Variants in PLCG2 observed in about 807,000 individuals in gnomAD.
The protein encoded by PLCG2 is phospholipase C gamma 2.
A neutral mutation model predicts 175.6 loss-of-function variants in PLCG2; 69 were observed. That is an observed-to-expected ratio of 0.39 (90% confidence interval 0.32 to 0.48). PLCG2 has a LOEUF of 0.48. Ranked by LOEUF, PLCG2 falls within the 20% of genes least tolerant of loss-of-function variation. The probability of loss-of-function intolerance (pLI) is 0.91; values close to 1 mark genes in which losing one functional copy is unlikely to be tolerated. For synonymous variants in PLCG2, 827 were observed against 624.0 expected (o/e 1.33, Z -4.85); for missense variants, 1,798 against 1,650.9 (o/e 1.09, Z -1.54).
intron 19 of PLCG2, among the ~76,000 whole-genome samples, chr16:81,913,908 A>G (rs558245410): frequency 4.6e-5 from 7 of 152,112 alleles, no homozygotes; most frequent in East Asian, 1.9e-4. Context: ...CATTATCACT[A>G]TAGTTTACTG....
chr16:81,893,833 A>G, intron 12 of PLCG2, 39 bp downstream of exon 12: 1 of 1,298,828 alleles, frequency 7.7e-7, no homozygotes, highest in Non-Finnish European at 1.1e-6. Context: ...GGCTCGCAGC[A>G]AATTGAGGAT....
upstream of PLCG2, among the ~76,000 whole-genome samples, chr16:81,776,762 C>T (rs1329298089): frequency 6.6e-6 from 1 of 152,054 alleles, no homozygotes; most frequent in Non-Finnish European, 1.5e-5. Flanking sequence ...ACCATGTTGG[C>T]CAGGATAGTC....
chr16:81,803,663 C>CCCTTCCTT (rs1186528094), intron 2 of PLCG2, among the ~76,000 whole-genome samples: 1 of 29,748 alleles, frequency 3.4e-5, no homozygotes, highest in South Asian at 1.4e-3. Flanking sequence ...CTCCCTCCCT[C>CCCTTCCTT]CCTTCCTTCC....
chr16:81,842,036 A>T (rs555691486), intron 2 of PLCG2, among the ~76,000 whole-genome samples: 9 of 152,176 alleles, frequency 5.9e-5, no homozygotes, highest in Admixed American at 1.3e-4. Context: ...ATGTTATTTC[A>T]TTTGGTTTGC....
chr16:81,902,957 C>T (rs1164801106), intron 14 of PLCG2, among the ~76,000 whole-genome samples: 1 of 152,086 alleles, frequency 6.6e-6, no homozygotes, highest in Non-Finnish European at 1.5e-5. Context: ...CGTGAAAGGC[C>T]CGCCCCCATG....
intron 14 of PLCG2, among the ~76,000 whole-genome samples, chr16:81,902,831 G>A (rs192861919): frequency 1.8e-3 from 274 of 152,308 alleles, no homozygotes; most frequent in Middle Eastern, 0.017. Context: ...ATGTCAGAAG[G>A]CAAAGGAGGA....
At chr16:81,869,609 C>G (rs1477914245) in intron 6 of PLCG2, among the ~76,000 whole-genome samples, 2 of 152,138 alleles carry the variant, frequency 1.3e-5, no homozygotes, top group Admixed American at 6.5e-5. Context: ...CATTTTTTCC[C>G]TAGTGAAATG....
chr16:81,804,241 A>G (rs11640578), intron 2 of PLCG2, among the ~76,000 whole-genome samples: 5,255 of 152,304 alleles, frequency 0.035, 130 homozygotes, highest in Middle Eastern at 0.058. Context: ...GGTTATCACC[A>G]TCCTAGTGGA....
At chr16:81,848,376 G>A (rs1185333698) in intron 2 of PLCG2, among the ~76,000 whole-genome samples, 1 of 152,204 alleles carries the variant, frequency 6.6e-6, no homozygotes, top group Non-Finnish European at 1.5e-5. Flanking sequence ...TCCAAAGGGT[G>A]CTTGTTTGGG....
chr16:81,906,486 A>G (rs796370993), intron 15 of PLCG2: 3 of 152,266 alleles, frequency 2.0e-5, no homozygotes, highest in African/African-American at 7.2e-5. Flanking sequence ...GTGTGGTGGT[A>G]CGATCTTAGC....
chr16:81,822,286 G>C (rs930171851), intron 2 of PLCG2, among the ~76,000 whole-genome samples: 1 of 152,150 alleles, frequency 6.6e-6, no homozygotes, highest in Non-Finnish European at 1.5e-5. Context: ...GTCGGCATAG[G>C]TGGTAAGCAT....
At position 81,905,427 on chromosome 16, in the gene PLCG2, G is replaced by A. The variant is rs752906992; in HGVS notation, c.1387G>A (p.Asp463Asn). The change falls in exon 15 of 33, where the codon GAT becomes AAT. Residue 463 changes from aspartate to asparagine, a missense_variant. By Grantham distance (23) the Asp-to-Asn change is conservative. Transcript: ENST00000564138. ...IKHKKLGPRGDVDVNMEDKKD... is the reference protein window; with the variant it reads ...IKHKKLGPRGNVDVNMEDKKD... ...GCATAAGAAGCTGGGCCCCCGAGGCGATGTGGATGTCAACATGGAGGACAA... is the reference window on the plus strand; with the variant it reads ...GCATAAGAAGCTGGGCCCCCGAGGCAATGTGGATGTCAACATGGAGGACAA... 35 of 1,614,088 alleles carry A rather than the reference G, an allele frequency of 2.2e-5. No homozygotes were observed. Among genetic ancestry groups the A allele is most frequent in the South Asian group, 1.6e-4 (15 of 91,084 alleles).
At chr16:81,753,546 G>A (rs1909858003) in intron 1 of PLCG2, among the ~76,000 whole-genome samples, 1 of 151,814 alleles carries the variant, frequency 6.6e-6, no homozygotes, top group South Asian at 2.1e-4. Context: ...AGCCTCATTA[G>A]TAGCTGGGAT....
At chr16:81,765,214 G>A (rs1910122093) in intron 2 of PLCG2, among the ~76,000 whole-genome samples, 1 of 152,268 alleles carries the variant, frequency 6.6e-6, no homozygotes, top group South Asian at 2.1e-4. Flanking sequence ...AGAGCACCAT[G>A]TGACAACTGA....
intron 9 of PLCG2, among the ~76,000 whole-genome samples, chr16:81,887,118 GTT>G (rs59300746): frequency 1.4e-5 from 2 of 141,592 alleles, no homozygotes. Context: ...AGGCAAAGTT[GTT>G]TTTTTTTTTT....
At chr16:81,883,230 G>GTGTC in intron 8 of PLCG2, 39 bp from the exon 9 acceptor site, 1 of 1,584,756 alleles carries the variant, frequency 6.3e-7, no homozygotes, top group Non-Finnish European at 8.7e-7. Context: ...TCTGTTGAAT[G>GTGTC]TGTCTGTCTC....
At chr16:81,760,640 A>G (rs1597305417) in intron 2 of PLCG2, among the ~76,000 whole-genome samples, 3 of 152,104 alleles carry the variant, frequency 2.0e-5, no homozygotes, top group East Asian at 3.9e-4. Context: ...GCTGAGCACA[A>G]TGGCACATGC....
At chr16:81,798,178 C>G (rs1160793856) in intron 2 of PLCG2, among the ~76,000 whole-genome samples, 2 of 152,148 alleles carry the variant, frequency 1.3e-5, no homozygotes, top group Non-Finnish European at 2.9e-5. Context: ...GTGGAGCTTA[C>G]CCCATCAGAT....
intron 1 of PLCG2, among the ~76,000 whole-genome samples, chr16:81,751,009 T>C (rs1284740453): frequency 7.9e-6 from 1 of 127,310 alleles, no homozygotes; most frequent in Non-Finnish European, 1.6e-5. Context: ...AAACAGAGTT[T>C]CACTCTTGTT....
Sources: gnomAD v4.1 joint callset for allele counts (sites outside exome capture counted in the v4.1 genomes callset) on GRCh38, gnomAD v4.1.1 for gene constraint, MANE v1.5 for transcripts, NCBI Gene and HGNC (gene_info 2026-07-23, HGNC 2026-07-21) for gene names.